PDE5A: variants seen among roughly 807,000 people sequenced by gnomAD.
PDE5A encodes phosphodiesterase 5A, also known as cGMP-specific 3',5'-cyclic phosphodiesterase.
PDE5A carries 67 observed loss-of-function variants against 110.2 expected under a neutral mutation model. The ratio of observed to expected loss-of-function variants is 0.61; its 90% confidence interval spans 0.50 to 0.75. PDE5A has a LOEUF of 0.75. Ranked by LOEUF, PDE5A falls within the 30% of genes least tolerant of loss-of-function variation. The probability of loss-of-function intolerance (pLI) is 0.00; values close to 1 mark genes in which losing one functional copy is unlikely to be tolerated. For synonymous variants in PDE5A, 328 were observed against 351.2 expected (o/e 0.93, Z 0.74); for missense variants, 862 against 1,045.1 (o/e 0.82, Z 2.42).
chr4:119,510,370 G>A (rs1370447244), intron 15 of PDE5A, among the ~76,000 whole-genome samples: 1 of 151,944 alleles, frequency 6.6e-6, no homozygotes, highest in Non-Finnish European at 1.5e-5. Flanking sequence ...GTCATGCATT[G>A]TGTATGTTCA....
chr4:119,501,074 A>G, intron 20 of PDE5A, 96 bp downstream of exon 20: 1 of 714,692 alleles, frequency 1.4e-6, no homozygotes, highest in Non-Finnish European at 2.4e-6. Flanking sequence ...TTGATTTAGA[A>G]GCAAAATATA....
chr4:119,589,676 A>C (rs1284012143), intron 3 of PDE5A, among the ~76,000 whole-genome samples: 1 of 152,188 alleles, frequency 6.6e-6, no homozygotes. Context: ...AGATTGGCTC[A>C]GATTAGTATG....
intron 1 of PDE5A, among the ~76,000 whole-genome samples, chr4:119,619,555 C>T (rs912432902): frequency 6.6e-6 from 1 of 152,066 alleles, no homozygotes; most frequent in East Asian, 1.9e-4. Flanking sequence ...AACTTCTGTT[C>T]GAACCATTAA....
intron 4 of PDE5A, among the ~76,000 whole-genome samples, chr4:119,565,961 ATAT>A (rs71921463): frequency 0.26 from 38,773 of 147,648 alleles, 5,190 homozygotes; most frequent in East Asian, 0.38. Context: ...TTATTAATTA[ATAT>A]TATTATAATT....
intron 19 of PDE5A, 26 bp from the exon 20 acceptor site, chr4:119,501,279 A>C: frequency 7.9e-7 from 1 of 1,259,818 alleles, no homozygotes; most frequent in Non-Finnish European, 1.2e-6. Context: ...CAGACCAGAC[A>C]CACAGATGTG....
chr4:119,557,982 T>G (rs1727602692), intron 7 of PDE5A, among the ~76,000 whole-genome samples: 1 of 152,270 alleles, frequency 6.6e-6, no homozygotes, highest in Non-Finnish European at 1.5e-5. Flanking sequence ...TATCATTTTA[T>G]GACACAAATG....
At chr4:119,550,395 T>C (rs373746240) in intron 9 of PDE5A, 2 of 152,250 alleles carry the variant, frequency 1.3e-5, no homozygotes, top group African/African-American at 4.8e-5. Context: ...GATCACAGAA[T>C]GTGAATTTTG....
At chr4:119,598,286 C>G (rs569139951) in intron 2 of PDE5A, among the ~76,000 whole-genome samples, 9 of 152,222 alleles carry the variant, frequency 5.9e-5, no homozygotes, top group Non-Finnish European at 1.2e-4. Flanking sequence ...AGTTTAAAAT[C>G]AACAGCAGTT....
chr4:119,515,581 C>A (rs1337632131), intron 14 of PDE5A, among the ~76,000 whole-genome samples: 1 of 150,376 alleles, frequency 6.6e-6, no homozygotes, highest in East Asian at 2.0e-4. Context: ...TTCTTGCCAA[C>A]CCTCTCTCTC....
intron 3 of PDE5A, among the ~76,000 whole-genome samples, chr4:119,577,404 T>C (rs1728397978): frequency 6.6e-6 from 1 of 152,192 alleles, no homozygotes; most frequent in Admixed American, 6.5e-5. Context: ...TTTACACCAA[T>C]ATCCTTGATG....
chr4:119,516,251 T>C (rs1295304008), intron 14 of PDE5A, among the ~76,000 whole-genome samples: 1 of 152,234 alleles, frequency 6.6e-6, no homozygotes, highest in Non-Finnish European at 1.5e-5. Context: ...GACTAGATAC[T>C]TTCTTGTAGT....
rs1725393852 is a variant in PDE5A at position 119,502,643 on chromosome 4, C to T, written c.2344G>A (p.Val782Ile). ...CCTTGATCAAAAAATTCAGTTGCTA[C>T]AAGTTCTGCTATCTGAAATAAATAA... ...WPIQQRIAELVATEFFDQGDR... is the reference protein window; with the variant it reads ...WPIQQRIAELIATEFFDQGDR... Residue 782 changes from valine (V) to isoleucine (I), a missense_variant, in exon 19 of 21, where the codon GTA (valine) becomes ATA (isoleucine). Coordinates refer to ENST00000354960, the MANE Select transcript of PDE5A (RefSeq NM_001083.4). 6.2e-7 allele frequency: 1 copy of T among 1,602,662 alleles called. No homozygotes were observed. The highest frequency in any genetic ancestry group is 1.3e-5 in the African/African-American group (1 of 74,678).
Position 119,627,030 on chromosome 4 carries a change from T to C in PDE5A, c.152+1490A>G. 1 of 1,122,954 alleles carries C rather than the reference T, an allele frequency of 8.9e-7. No homozygotes were observed. The highest frequency in any genetic ancestry group is 1.3e-6 in the Non-Finnish European group (1 of 762,322). The allele number at this position is 1,122,954 out of a possible 1,614,324, so 69.6% of individuals were successfully genotyped here. A position where few individuals can be genotyped will look rare whatever the true frequency, so the allele number is the denominator to read the frequency against. ...AACAACAACAACAAAAGTTATACAGTCAATTTTCAATGATACATCGTCCCA... is the reference window on the plus strand; with the variant it reads ...AACAACAACAACAAAAGTTATACAGCCAATTTTCAATGATACATCGTCCCA... On this transcript the variant is annotated intron_variant, in intron 1 of 20. Coordinates refer to ENST00000354960, the MANE Select transcript of PDE5A (RefSeq NM_001083.4). This position sits in a 1 kb window ranked among gnomAD's most constrained non-coding sequence, Gnocchi z 4.6.
chr4:119,542,426 G>A, intron 10 of PDE5A, 33 bp downstream of exon 10: 1 of 1,600,582 alleles, frequency 6.2e-7, no homozygotes, highest in South Asian at 1.1e-5. Flanking sequence ...GGGTTTGGCT[G>A]TACAGTGTGA....
chr4:119,607,792 T>A (rs1245659361), intron 1 of PDE5A, among the ~76,000 whole-genome samples: 2 of 152,162 alleles, frequency 1.3e-5, no homozygotes, highest in Non-Finnish European at 2.9e-5. Context: ...ACAATTGCTT[T>A]AATGAACATC....
rs937279125 is a variant in PDE5A at position 119,497,933 on chromosome 4, A to C, written c.*668T>G. On this transcript the variant is annotated 3_prime_UTR_variant, in exon 21 of 21. Coordinates refer to ENST00000354960, the MANE Select transcript of PDE5A (RefSeq NM_001083.4). ...GTGAGATGAAAGTGATTTTATGGGT[A>C]GCTTTCAGAAAAATGTACTGCACTG... The C allele has an allele frequency of 6.6e-6, 1 of 152,194 alleles. No homozygotes were observed. Among genetic ancestry groups the C allele is most frequent in the African/African-American group, 2.4e-5 (1 of 41,464 alleles). The allele number at this position is 152,194 out of a possible 1,614,324, so 9.4% of individuals were successfully genotyped here. A position where few individuals can be genotyped will look rare whatever the true frequency, so the allele number is the denominator to read the frequency against.
At position 119,596,616 on chromosome 4, in the gene PDE5A, G is replaced by A; in HGVS notation, c.742-4C>T. The stretch of plus-strand genomic sequence containing the variant: ...CTTCTGCATTGAACCGAGGATCCTA[G>A]TATGGAAAAAGAAATTCAATTTAAT... On this transcript the variant is annotated splice_polypyrimidine_tract_variant and splice_region_variant and intron_variant, in intron 2 of 20. Coordinates refer to ENST00000354960, the MANE Select transcript of PDE5A (RefSeq NM_001083.4). The A allele has an allele frequency of 6.5e-7, 1 of 1,538,776 alleles. No individual in the cohort carries two copies. Among genetic ancestry groups the A allele is most frequent in the Non-Finnish European group, 8.9e-7 (1 of 1,126,996 alleles).
chr4:119,522,195 A>G (rs1448942991), intron 12 of PDE5A, among the ~76,000 whole-genome samples: 2 of 152,018 alleles, frequency 1.3e-5, no homozygotes, highest in East Asian at 3.9e-4. Context: ...TTTACAGGAA[A>G]TTCTGATAAC....
At position 119,607,021 on chromosome 4, in the gene PDE5A, A is replaced by T. The variant is rs752541919; in HGVS notation, c.429T>A (p.His143Gln). The change falls in exon 2 of 21, where the codon CAT becomes CAA. Residue 143 changes from histidine to glutamine, a missense_variant. Physicochemically the swap from His to Gln is conservative, Grantham distance 24. Coordinates refer to ENST00000354960, the MANE Select transcript of PDE5A (RefSeq NM_001083.4). ...GTCTTGAGCACTGGTCCCCTTCATC[A>T]TGATCAAACCTTGGAGGGGTTAGAG... ...QMPLTPPRFD[H>Q]DEGDQCSRLL... The T allele has an allele frequency of 6.2e-7, 1 of 1,614,206 alleles. No individual in the cohort carries two copies. The highest frequency in any genetic ancestry group is 8.5e-7 in the Non-Finnish European group (1 of 1,180,030).
Sources: gnomAD v4.1 joint callset for allele counts (sites outside exome capture counted in the v4.1 genomes callset) on GRCh38, gnomAD v4.1.1 for gene constraint, Gnocchi (gnomAD v3.1) non-coding constraint, MANE v1.5 for transcripts, NCBI Gene and HGNC (gene_info 2026-07-23, HGNC 2026-07-21) for gene names.